The following DISC1 variants were observed in gnomAD, a reference collection of about 807,000 sequenced individuals.
DISC1 encodes DISC1 scaffold protein, also known as disrupted in schizophrenia 1 protein.
DISC1 carries 57 observed loss-of-function variants against 84.5 expected under a neutral mutation model. The ratio of observed to expected loss-of-function variants is 0.67; its 90% CI spans 0.55 to 0.84. DISC1 has a LOEUF of 0.84. DISC1 is among the 40% of genes least tolerant of loss of function. The pLI is 0.00. For missense variants in DISC1, 1,000 were observed against 1,057.8 expected (o/e 0.95, Z 0.76); for synonymous variants, 411 against 415.2 (o/e 0.99, Z 0.12).
At position 231,675,702 on chromosome 1, in the gene DISC1, G is replaced by A. The variant is rs1398582043; in HGVS notation, c.68-18124G>A. Among the ~76,000 whole-genome samples, 1 of 151,942 alleles carries A rather than the reference G, an allele frequency of 6.6e-6. No individual in the cohort carries two copies. The highest frequency in any genetic ancestry group is 2.4e-5 in the African/African-American group (1 of 41,364). ...ATCCCTTGGGGGCTCTCTGGATGAG[G>A]GCTTTCTCTGTCTTTGTCTTCTCTT... On this transcript the variant is annotated intron_variant, in intron 1 of 12. Coordinates refer to ENST00000439617, the MANE Select transcript of DISC1 (RefSeq NM_018662.3). The surrounding 1 kb of genome is among the most constrained non-coding windows in gnomAD (Gnocchi z 4.1).
At chr1:231,740,783 C>T (rs900865226) in intron 3 of DISC1, among the ~76,000 whole-genome samples, 6 of 152,126 alleles carry the variant, frequency 3.9e-5, no homozygotes, top group African/African-American at 7.2e-5. Context: ...CTGAAGTTAA[C>T]GCTATGCAAA....
At chr1:231,649,754 A>G (rs1445204593) in intron 1 of DISC1, among the ~76,000 whole-genome samples, 1 of 152,166 alleles carries the variant, frequency 6.6e-6, no homozygotes, top group Non-Finnish European at 1.5e-5. Flanking sequence ...TGTTGGGTGC[A>G]TATATATTTA....
intron 9 of DISC1, among the ~76,000 whole-genome samples, chr1:231,929,899 G>T (rs370696845): frequency 1.8e-4 from 27 of 152,278 alleles, no homozygotes; most frequent in African/African-American, 6.0e-4. Context: ...TAGTTAAGGG[G>T]TGAGGGATTG....
intron 9 of DISC1, among the ~76,000 whole-genome samples, chr1:231,956,880 T>G (rs1302196511): frequency 6.6e-6 from 1 of 152,186 alleles, no homozygotes. Context: ...CCATGTGGCT[T>G]GGGCTTCCTC....
chr1:231,720,818 G>C (rs1024456875), intron 3 of DISC1: 3 of 1,286,312 alleles, frequency 2.3e-6, no homozygotes, highest in African/African-American at 3.0e-5. Flanking sequence ...TGAGCAGCAG[G>C]TAGGAAACGT....
intron 9 of DISC1, among the ~76,000 whole-genome samples, chr1:231,851,131 C>T (rs2083868242): frequency 6.6e-6 from 1 of 152,184 alleles, no homozygotes; most frequent in Non-Finnish European, 1.5e-5. Flanking sequence ...ACATTCTCAT[C>T]CATATGTTAG....
At chr1:231,685,210 C>A (rs1216618372) in intron 1 of DISC1, 1 of 152,138 alleles carries the variant, frequency 6.6e-6, no homozygotes, top group Non-Finnish European at 1.5e-5. Flanking sequence ...ATCTTCATAT[C>A]GATGTCTACC....
At position 231,679,217 on chromosome 1, in the gene DISC1, G is replaced by A. The variant is rs146563699; in HGVS notation, c.68-14609G>A. Among the ~76,000 whole-genome samples the A allele has an allele frequency of 5.1e-3, 770 of 152,300 alleles. 5 individuals carry two copies. Among genetic ancestry groups the A allele is most frequent in the Middle Eastern group, 0.02 (6 of 294 alleles). On this transcript the variant is annotated intron_variant, in intron 1 of 12. Transcript: ENST00000439617. ...TGGCAAGCACTGTCTTGGACTGCATGAGTGATTTTCTATTGGTTGGTTTCT... is the reference window on the plus strand; with the variant it reads ...TGGCAAGCACTGTCTTGGACTGCATAAGTGATTTTCTATTGGTTGGTTTCT...
chr1:231,859,432 A>C (rs1458470425), intron 9 of DISC1, among the ~76,000 whole-genome samples: 1 of 152,156 alleles, frequency 6.6e-6, no homozygotes, highest in Non-Finnish European at 1.5e-5. Context: ...GTGCCTTTTC[A>C]ATATGTCCTC....
chr1:231,795,031 C>A (rs1036453406), intron 6 of DISC1, among the ~76,000 whole-genome samples: 3 of 152,140 alleles, frequency 2.0e-5, no homozygotes, highest in African/African-American at 7.2e-5. Flanking sequence ...GTAATACTAG[C>A]TTTAGTAAGG....
intron 9 of DISC1, among the ~76,000 whole-genome samples, chr1:231,863,081 C>T (rs1400123246): frequency 1.3e-5 from 2 of 152,024 alleles, no homozygotes; most frequent in Admixed American, 1.3e-4. Context: ...ACCAACATGT[C>T]TTCATTAGCT....
intron 9 of DISC1, among the ~76,000 whole-genome samples, chr1:231,833,317 G>A (rs2082383687): frequency 1.3e-5 from 2 of 151,492 alleles, no homozygotes; most frequent in Non-Finnish European, 2.9e-5. Context: ...ATGGAGGCAA[G>A]GGAAACAGGC....
intron 10 of DISC1, among the ~76,000 whole-genome samples, chr1:231,996,265 C>T (rs944386717): frequency 5.9e-5 from 9 of 152,092 alleles, no homozygotes; most frequent in Non-Finnish European, 1.2e-4. Flanking sequence ...GAGTAGGTTG[C>T]GAAAATTTTC....
chr1:231,695,791 A>T (rs941929954), intron 2 of DISC1, among the ~76,000 whole-genome samples: 5 of 152,068 alleles, frequency 3.3e-5, no homozygotes, highest in African/African-American at 1.2e-4. Context: ...GGGAGGAGTA[A>T]TCTGCAGAAG....
chr1:231,690,466 C>A (rs1378667716), intron 1 of DISC1, among the ~76,000 whole-genome samples: 4 of 152,182 alleles, frequency 2.6e-5, no homozygotes, highest in Non-Finnish European at 5.9e-5. Flanking sequence ...TTTTTCTTCA[C>A]CTTGCCATAT....
At chr1:231,658,497 C>G (rs184436148) in intron 1 of DISC1, among the ~76,000 whole-genome samples, 3 of 152,118 alleles carry the variant, frequency 2.0e-5, no homozygotes, top group Admixed American at 6.5e-5. Context: ...TTGCCCTGGC[C>G]AGAACTTCCA....
intron 8 of DISC1, among the ~76,000 whole-genome samples, chr1:231,804,851 C>T (rs1017722864): frequency 1.3e-5 from 2 of 152,130 alleles, no homozygotes; most frequent in Non-Finnish European, 2.9e-5. Context: ...GGAGCCATTA[C>T]CATGTTTTAG....
chr1:231,745,881 G>C (rs1573468918), intron 3 of DISC1, among the ~76,000 whole-genome samples: 1 of 152,130 alleles, frequency 6.6e-6, no homozygotes, highest in Admixed American at 6.5e-5. Flanking sequence ...AGAATGGCTT[G>C]ATTCTCTTCC....
rs370883237 is a variant in DISC1 at position 231,837,647 on chromosome 1, T to C, written c.1981+19130T>C. Among the ~76,000 whole-genome samples, 4 of 152,226 alleles carry C rather than the reference T, an allele frequency of 2.6e-5. No homozygotes were observed. In the South Asian group the frequency reaches 6.2e-4, roughly 24 times the overall value. On this transcript the variant is annotated intron_variant, in intron 9 of 12. Coordinates refer to ENST00000439617, the MANE Select transcript of DISC1 (RefSeq NM_018662.3). ...CTGCATGAAAGTATGGAAACTGTTA[T>C]TGTATTTAACTCTCTACATGTGAAC...
Sources: allele counts gnomAD v4.1 joint callset (sites outside exome capture counted in the v4.1 genomes callset), GRCh38; gene constraint gnomAD v4.1.1; non-coding constraint Gnocchi (gnomAD v3.1); transcripts MANE v1.5; gene names NCBI Gene and HGNC (gene_info 2026-07-23, HGNC 2026-07-21).